GALNTL6: variants seen among roughly 807,000 people sequenced by gnomAD.
The protein encoded by GALNTL6 is polypeptide N-acetylgalactosaminyltransferase like 6, also known as polypeptide N-acetylgalactosaminyltransferase-like 6.
A neutral mutation model predicts 73.7 loss-of-function variants in GALNTL6; 46 were observed. The ratio of observed to expected loss-of-function variants is 0.62; its 90% confidence interval spans 0.49 to 0.80. The LOEUF is 0.80. Among genes scored for constraint, GALNTL6 ranks in the 30% least tolerant of loss-of-function variants. The pLI, the probability that GALNTL6 is intolerant of heterozygous loss-of-function variation, is 0.00. For synonymous variants in GALNTL6, 259 were observed against 263.7 expected (o/e 0.98, Z 0.17); for missense variants, 604 against 755.0 (o/e 0.80, Z 2.34).
At position 172,528,961 on chromosome 4, in the gene GALNTL6, ATATG is replaced by A. The variant is rs200232453; in HGVS notation, c.553+180274_553+180277del. On this transcript the variant is annotated intron_variant, in intron 5 of 12. Transcript: ENST00000506823. Reference sequence around the variant, plus strand: ...TTTGTTTTCCCAAAGGCATATATATATATGTGTGTGTATATTTATACATATGTGT... The same window carrying A: ...TTTGTTTTCCCAAAGGCATATATATATGTGTGTATATTTATACATATGTGT... 8.4e-5 allele frequency among the ~76,000 whole-genome samples: 3 copies of A among 35,518 alleles called. No individual in the cohort carries two copies. The South Asian group carries it at 8.6e-3, about 102-fold the overall frequency. 23.3% of individuals were successfully genotyped at this position (35,518 alleles called of 152,430 possible).
chr4:172,646,796 A>G (rs1052731851), intron 5 of GALNTL6, among the ~76,000 whole-genome samples: 9 of 152,068 alleles, frequency 5.9e-5, no homozygotes, highest in Non-Finnish European at 1.0e-4. Flanking sequence ...TCAATCAATC[A>G]TATTGTTTAA....
chr4:171,958,838 A>G (rs1312952472), intron 2 of GALNTL6, among the ~76,000 whole-genome samples: 2 of 152,108 alleles, frequency 1.3e-5, no homozygotes, highest in Non-Finnish European at 1.5e-5. Context: ...TTGTGATTTT[A>G]TATTCAGTTT....
intron 2 of GALNTL6, among the ~76,000 whole-genome samples, chr4:171,866,304 T>A (rs2110887116): frequency 6.6e-6 from 1 of 152,206 alleles, no homozygotes; most frequent in South Asian, 2.1e-4. Flanking sequence ...AATTTTTAAA[T>A]TTTTTTTCTT....
chr4:171,820,108 T>C (rs1400734500), intron 2 of GALNTL6, among the ~76,000 whole-genome samples: 1 of 152,140 alleles, frequency 6.6e-6, no homozygotes, highest in East Asian at 1.9e-4. Flanking sequence ...ACCTGTGTGC[T>C]ATGGAAATAT....
At chr4:172,753,142 A>G (rs1386245975) in intron 5 of GALNTL6, among the ~76,000 whole-genome samples, 2 of 152,148 alleles carry the variant, frequency 1.3e-5, no homozygotes, top group Non-Finnish European at 2.9e-5. Context: ...AGTTTCCCCC[A>G]TACTGTTCTT....
intron 11 of GALNTL6, among the ~76,000 whole-genome samples, chr4:173,014,406 C>T (rs1315501326): frequency 6.6e-6 from 1 of 152,184 alleles, no homozygotes. Context: ...TCCCACTCTG[C>T]AGGCCCAGCA....
At chr4:172,549,617 C>T (rs900298465) in intron 5 of GALNTL6, among the ~76,000 whole-genome samples, 1 of 151,326 alleles carries the variant, frequency 6.6e-6, no homozygotes, top group Non-Finnish European at 1.5e-5. Flanking sequence ...AAAAAAATAA[C>T]AAAATGTTGC....
chr4:172,087,156 A>G (rs1732059622), intron 2 of GALNTL6, among the ~76,000 whole-genome samples: 1 of 152,128 alleles, frequency 6.6e-6, no homozygotes, highest in Admixed American at 6.6e-5. Context: ...TACAACATAG[A>G]GCACTGGCCG....
At chr4:172,968,716 G>A (rs1165455483) in intron 10 of GALNTL6, among the ~76,000 whole-genome samples, 1 of 152,154 alleles carries the variant, frequency 6.6e-6, no homozygotes, top group East Asian at 1.9e-4. Context: ...CACAGAGTTA[G>A]AGCAGGAAGT....
chr4:172,414,745 C>T (rs1579050426), intron 5 of GALNTL6, among the ~76,000 whole-genome samples: 3 of 152,158 alleles, frequency 2.0e-5, no homozygotes, highest in East Asian at 3.9e-4. Flanking sequence ...CTGAGGCTAT[C>T]TCAAAGCACT....
chr4:172,001,565 T>C (rs1268785265), intron 2 of GALNTL6, among the ~76,000 whole-genome samples: 1 of 152,142 alleles, frequency 6.6e-6, no homozygotes, highest in Non-Finnish European at 1.5e-5. Flanking sequence ...TCTGGGCCAA[T>C]AAGCTGCTTG....
At chr4:172,660,747 A>G (rs1056374099) in intron 5 of GALNTL6, among the ~76,000 whole-genome samples, 1 of 152,214 alleles carries the variant, frequency 6.6e-6, no homozygotes. Context: ...ACTCCTAATT[A>G]TAATGCTATA....
intron 3 of GALNTL6, among the ~76,000 whole-genome samples, chr4:172,233,148 C>T (rs994017752): frequency 7.4e-5 from 11 of 149,248 alleles, no homozygotes; most frequent in Admixed American, 3.4e-4. Flanking sequence ...GAGGGAGGAT[C>T]GCTTGAGCCC....
chr4:172,655,280 T>C (rs1730920408), intron 5 of GALNTL6, among the ~76,000 whole-genome samples: 1 of 152,196 alleles, frequency 6.6e-6, no homozygotes. Context: ...GCCTTTAAGA[T>C]AATCATTTTT....
intron 5 of GALNTL6, among the ~76,000 whole-genome samples, chr4:172,536,764 T>C (rs920492380): frequency 1.3e-5 from 2 of 152,158 alleles, no homozygotes; most frequent in Non-Finnish European, 2.9e-5. Flanking sequence ...ATTTGCAGCC[T>C]GATGATGTGA....
At chr4:171,985,323 AAACCCCTTATAAAGCC>A (rs1740035490) in intron 2 of GALNTL6, among the ~76,000 whole-genome samples, 1 of 152,192 alleles carries the variant, frequency 6.6e-6, no homozygotes, top group Non-Finnish European at 1.5e-5. Flanking sequence ...GTGAAAGGGA[AAACCCCTTATAAAGCC>A]AACCGATCTC....
At chr4:171,954,800 G>C (rs530186815) in intron 2 of GALNTL6, among the ~76,000 whole-genome samples, 3 of 152,148 alleles carry the variant, frequency 2.0e-5, no homozygotes, top group South Asian at 2.1e-4. Context: ...CTTCTCTCTT[G>C]ACAGTGAGTG....
intron 2 of GALNTL6, among the ~76,000 whole-genome samples, chr4:171,964,785 G>C (rs578136830): frequency 2.0e-5 from 3 of 152,162 alleles, no homozygotes; most frequent in East Asian, 1.9e-4. Context: ...CCACAGTACT[G>C]TCTGTTCTGG....
chr4:172,578,348 T>A (rs1737041188), intron 5 of GALNTL6, among the ~76,000 whole-genome samples: 1 of 152,254 alleles, frequency 6.6e-6, no homozygotes, highest in Admixed American at 6.5e-5. Flanking sequence ...TATGAAATAA[T>A]GTGAGAGCAC....
Sources: allele counts gnomAD v4.1 joint callset (sites outside exome capture counted in the v4.1 genomes callset), GRCh38; gene constraint gnomAD v4.1.1; transcripts MANE v1.5; gene names NCBI Gene and HGNC (gene_info 2026-07-23, HGNC 2026-07-21).